TFEC: variants seen among roughly 807,000 people sequenced by gnomAD.
TFEC encodes class E basic helix-loop-helix protein 34.
Under a neutral mutation model 41.6 loss-of-function variants are expected in TFEC, and 31 were observed. The ratio of observed to expected loss-of-function variants is 0.74; its 90% CI spans 0.56 to 1.01. TFEC has a LOEUF of 1.01. TFEC is among the 50% of genes least tolerant of loss of function. TFEC has a pLI of 0.00. For missense variants in TFEC, 402 were observed against 404.1 expected (o/e 0.99, Z 0.04); for synonymous variants, 143 against 140.6 (o/e 1.02, Z -0.12).
At chr7:115,946,065 G>A (rs1791526091) in intron 6 of TFEC, among the ~76,000 whole-genome samples, 1 of 151,674 alleles carries the variant, frequency 6.6e-6, no homozygotes, top group South Asian at 2.1e-4. Flanking sequence ...ATTAAAATTT[G>A]GAGTAATAAT....
chr7:115,954,948 A>G (rs1003104133), intron 4 of TFEC, among the ~76,000 whole-genome samples: 8 of 152,038 alleles, frequency 5.3e-5, no homozygotes, highest in Non-Finnish European at 8.8e-5. Context: ...TGACTATAAT[A>G]CAATACCTAC....
intron 3 of TFEC, among the ~76,000 whole-genome samples, chr7:116,065,661 T>C (rs1332213891): frequency 6.6e-6 from 1 of 151,824 alleles, no homozygotes; most frequent in Non-Finnish European, 1.5e-5. Context: ...ACAGGGAAAA[T>C]GAAGGGAGGG....
intron 1 of TFEC, among the ~76,000 whole-genome samples, chr7:116,016,100 A>G (rs528491163): frequency 3.8e-4 from 58 of 152,348 alleles, no homozygotes; most frequent in Non-Finnish European, 7.8e-4. Context: ...GTCAAGACAG[A>G]ACACCATCAC....
intron 3 of TFEC, among the ~76,000 whole-genome samples, chr7:116,075,628 C>A (rs765027861): frequency 1.2e-4 from 19 of 152,078 alleles, no homozygotes; most frequent in Non-Finnish European, 2.5e-4. Flanking sequence ...CCCCACTTCC[C>A]TGGCAACCTG....
At chr7:115,966,604 G>A (rs1457177707) in intron 3 of TFEC, among the ~76,000 whole-genome samples, 1 of 151,672 alleles carries the variant, frequency 6.6e-6, no homozygotes, top group Non-Finnish European at 1.5e-5. Flanking sequence ...GCTTTATAAA[G>A]AAGTAGAGAG....
chr7:115,993,154 T>C (rs1474629463), intron 1 of TFEC, among the ~76,000 whole-genome samples: 1 of 152,124 alleles, frequency 6.6e-6, no homozygotes. Flanking sequence ...CAAAATTCAA[T>C]AGCCCTTCAT....
chr7:115,948,137 G>T (rs1421801498), intron 6 of TFEC, among the ~76,000 whole-genome samples: 1 of 151,790 alleles, frequency 6.6e-6, no homozygotes, highest in African/African-American at 2.4e-5. Context: ...ACTCTCCCAA[G>T]ACTAAACCAG....
At chr7:116,056,185 G>A (rs1796426015) in intron 3 of TFEC, among the ~76,000 whole-genome samples, 1 of 151,860 alleles carries the variant, frequency 6.6e-6, no homozygotes, top group African/African-American at 2.4e-5. Context: ...AGACAGGAAA[G>A]GTAAGGTAAC....
chr7:116,123,197 A>G (rs1301154878), intron 1 of TFEC, among the ~76,000 whole-genome samples: 1 of 152,162 alleles, frequency 6.6e-6, no homozygotes, highest in South Asian at 2.1e-4. Flanking sequence ...GGCCCCAGCA[A>G]GATAACTGCA....
chr7:116,052,633 T>C (rs1452325378), intron 3 of TFEC, among the ~76,000 whole-genome samples: 1 of 151,862 alleles, frequency 6.6e-6, no homozygotes, highest in Non-Finnish European at 1.5e-5. Flanking sequence ...TTCACCATGT[T>C]GGCCAGGATG....
intron 1 of TFEC, among the ~76,000 whole-genome samples, chr7:116,019,872 C>A (rs1417531701): frequency 1.3e-5 from 2 of 152,190 alleles, no homozygotes; most frequent in African/African-American, 4.8e-5. Context: ...AGAGATTAAG[C>A]AACTTGTGTG....
At chr7:116,140,379 A>G (rs964982809) in intron 1 of TFEC, among the ~76,000 whole-genome samples, 9 of 152,230 alleles carry the variant, frequency 5.9e-5, no homozygotes, top group Admixed American at 5.2e-4. Flanking sequence ...CACAGAATCA[A>G]TAACATGCTT....
intron 1 of TFEC, among the ~76,000 whole-genome samples, chr7:116,147,509 C>T (rs1798667435): frequency 6.6e-6 from 1 of 151,706 alleles, no homozygotes; most frequent in African/African-American, 2.4e-5. Flanking sequence ...CACCCATTAA[C>T]TCGTCATTTA....
chr7:116,103,856 A>G (rs1797659150), intron 3 of TFEC, among the ~76,000 whole-genome samples: 2 of 152,280 alleles, frequency 1.3e-5, no homozygotes, highest in South Asian at 2.1e-4. Context: ...GCCATGATGC[A>G]TTTTCAAATA....
At chr7:115,972,159 A>G (rs1478059778) in intron 3 of TFEC, among the ~76,000 whole-genome samples, 1 of 151,942 alleles carries the variant, frequency 6.6e-6, no homozygotes, top group African/African-American at 2.4e-5. Context: ...CTTCATGTCT[A>G]TCTCTTAAAA....
In TFEC at chr7:115,966,200, C is replaced by T. The variant is rs536617678; in HGVS notation, c.267+7970G>A. 6.9e-4 allele frequency among the ~76,000 whole-genome samples: 104 copies of T among 151,726 alleles called. 1 individual carries two copies. Among genetic ancestry groups the T allele is most frequent in the Non-Finnish European group, 1.3e-3 (90 of 67,756 alleles). ...GCTGCATGGCCCCACTTTCTCTATT[C>T]GACATTATTTCCCACTAACTCTCAA... On this transcript the variant is annotated intron_variant, in intron 3 of 7. Coordinates refer to ENST00000265440, the MANE Select transcript of TFEC (RefSeq NM_012252.4).
intron 1 of TFEC, among the ~76,000 whole-genome samples, chr7:116,115,710 T>G (rs1380629066): frequency 6.6e-6 from 1 of 152,012 alleles, no homozygotes; most frequent in Non-Finnish European, 1.5e-5. Context: ...GATTAGGACA[T>G]GGGCATATCT....
intron 6 of TFEC, among the ~76,000 whole-genome samples, chr7:115,943,125 T>C (rs912322500): frequency 1.3e-5 from 2 of 152,060 alleles, no homozygotes; most frequent in African/African-American, 2.4e-5. Context: ...TCTGTTCTAC[T>C]GCAATGCACC....
At chr7:116,081,272 T>C (rs1363316307) in intron 3 of TFEC, among the ~76,000 whole-genome samples, 1 of 151,620 alleles carries the variant, frequency 6.6e-6, no homozygotes, top group Non-Finnish European at 1.5e-5. Context: ...CAGTGTACAC[T>C]GCTAGGGTGA....
Sources: gnomAD v4.1 joint callset for allele counts (sites outside exome capture counted in the v4.1 genomes callset) on GRCh38, gnomAD v4.1.1 for gene constraint, MANE v1.5 for transcripts, NCBI Gene and HGNC (gene_info 2026-07-23, HGNC 2026-07-21) for gene names.